Variants in NELFA observed in about 807,000 individuals in gnomAD.
NELFA encodes the protein negative elongation factor complex member A.
In NELFA, 35 loss-of-function variants were observed where a neutral mutation model predicts 51.8. The observed-to-expected ratio is 0.68, with a 90% CI of 0.52 to 0.90. The LOEUF is 0.90. NELFA is among the 40% of genes least tolerant of loss of function. The pLI is 0.00. For synonymous variants in NELFA, 417 were observed against 338.4 expected (o/e 1.23, Z -2.55); for missense variants, 658 against 746.4 (o/e 0.88, Z 1.38).
At chr4:1,985,943 C>T in intron 6 of NELFA, 79 bp from the exon 7 acceptor site, 1 of 1,390,718 alleles carries the variant, frequency 7.2e-7, no homozygotes, top group Non-Finnish European at 9.8e-7. Flanking sequence ...GGGAATCAAA[C>T]AGCTTCCCAG....
intron 1 of NELFA, among the ~76,000 whole-genome samples, chr4:1,995,837 A>G (rs772731642): frequency 1.3e-5 from 2 of 151,956 alleles, no homozygotes; most frequent in African/African-American, 4.8e-5. Context: ...AGACAAACCC[A>G]TAATCCTAAC....
chr4:1,988,121 T>G (rs927209018), intron 3 of NELFA, 114 bp from the exon 4 acceptor site: 3 of 847,930 alleles, frequency 3.5e-6, no homozygotes, highest in Non-Finnish European at 5.5e-6. Context: ...GAACGCTGCA[T>G]TCTCTCTAAA....
At chr4:2,005,629 T>C (rs978500796) in intron 1 of NELFA, among the ~76,000 whole-genome samples, 3 of 151,656 alleles carry the variant, frequency 2.0e-5, no homozygotes, top group Non-Finnish European at 2.9e-5. Flanking sequence ...GAGGAGGAGG[T>C]TGCAGTGAGC....
At chr4:1,985,745 G>A in intron 7 of NELFA, 31 bp downstream of exon 7, 1 of 1,594,974 alleles carries the variant, frequency 6.3e-7, no homozygotes, top group South Asian at 1.1e-5. Context: ...CCGCAGTGGT[G>A]CCAGACATGG....
intron 1 of NELFA, among the ~76,000 whole-genome samples, chr4:1,992,904 C>G (rs1422935011): frequency 3.3e-5 from 5 of 152,238 alleles, no homozygotes; most frequent in Admixed American, 1.3e-4. Context: ...TGGCCCAGCC[C>G]CTTCTGTTCC....
chr4:1,989,923 C>T lies in NELFA; in HGVS notation c.383-54G>A. The T allele has an allele frequency of 6.3e-7, 1 of 1,576,692 alleles. No homozygotes were observed. Among genetic ancestry groups the T allele is most frequent in the Non-Finnish European group, 8.6e-7 (1 of 1,161,348 alleles). ...GGCGCCCAGGCCGCAGACCTCCCGG[C>T]TGAGAGGAGCTGGCGGCTGCCCAGC... On this transcript the variant is annotated intron_variant, in intron 2 of 10. Coordinates refer to ENST00000382882, the MANE Select transcript of NELFA (RefSeq NM_005663.5). This position sits in a 1 kb window ranked among gnomAD's most constrained non-coding sequence, Gnocchi z 4.8.
chr4:1,995,386 T>A (rs1020700337), intron 1 of NELFA, among the ~76,000 whole-genome samples: 2 of 152,176 alleles, frequency 1.3e-5, no homozygotes, highest in Non-Finnish European at 2.9e-5. Context: ...GTATCTATGG[T>A]CCTATGTAGA....
At chr4:2,001,368 C>T (rs1728562188) in intron 1 of NELFA, among the ~76,000 whole-genome samples, 1 of 152,174 alleles carries the variant, frequency 6.6e-6, no homozygotes, top group African/African-American at 2.4e-5. Flanking sequence ...TCTCTGTTTG[C>T]AGATGACATG....
At chr4:2,006,768 C>CAA (rs57055347) in intron 1 of NELFA, among the ~76,000 whole-genome samples, 2,193 of 79,386 alleles carry the variant, frequency 0.028, 269 homozygotes, top group Admixed American at 0.054. Flanking sequence ...GACGCTGTCT[C>CAA]AAAAAAAAAA....
chr4:1,998,826 A>G (rs964661791), intron 1 of NELFA, among the ~76,000 whole-genome samples: 4 of 152,164 alleles, frequency 2.6e-5, no homozygotes, highest in African/African-American at 9.7e-5. Context: ...GAGAAGATCA[A>G]CCCCAAGACA....
chr4:2,008,206 G>A (rs1431176610), intron 1 of NELFA, among the ~76,000 whole-genome samples: 1 of 152,192 alleles, frequency 6.6e-6, no homozygotes, highest in Non-Finnish European at 1.5e-5. Context: ...AGACCCCGCT[G>A]GGGCCGGCGC....
rs1727974341 is a variant in NELFA, at chr4:1,983,644, T to A, written c.1354A>T (p.Thr452Ser). The stretch of plus-strand genomic sequence containing the variant: ...AGGATGAGGGCCTTCTCGGGCCGCG[T>A]GACTTTGTTGGCCGTCTTGAACATC... ...QEMFKTANKVTRPEKALILGF... is the reference protein window; with the variant it reads ...QEMFKTANKVSRPEKALILGF... The change falls in exon 10 of 11, where the codon ACG becomes TCG. Residue 452 changes from threonine (T) to serine (S), a missense_variant. Physicochemically the swap from Thr to Ser is moderately conservative, Grantham distance 58. Around this residue, in one of 3 missense-constraint regions of NELFA, gnomAD observed 87 missense variants for 130.2 expected, o/e 0.67. Transcript: ENST00000382882. 1 of 1,613,980 alleles carries A rather than the reference T, an allele frequency of 6.2e-7. No homozygotes were observed.
rs573100545 is a variant in NELFA, at chr4:1,983,590, A to G, written c.1402+6T>C. On this transcript the variant is annotated splice_donor_region_variant and intron_variant, in intron 10 of 10. Coordinates refer to ENST00000382882, the MANE Select transcript of NELFA (RefSeq NM_005663.5). Reference sequence around the variant, plus strand: ...TGCACCCCCAGGCCCTGCCTTATGAACATACCTCGGGAGCCGGCCATGAAG... The same window carrying G: ...TGCACCCCCAGGCCCTGCCTTATGAGCATACCTCGGGAGCCGGCCATGAAG... The G allele has an allele frequency of 6.2e-7, 1 of 1,613,736 alleles. No homozygotes were observed. The highest frequency in any genetic ancestry group is 1.3e-5 in the African/African-American group (1 of 75,008).
rs1441401931 is a variant in NELFA at position 1,987,996 on chromosome 4, C to T, written c.556G>A (p.Ala186Thr). Residue 186 changes from alanine to threonine, a missense_variant, in exon 4 of 11, where the codon GCC (alanine) becomes ACC (threonine). By Grantham distance (58) the Ala-to-Thr change is moderately conservative. Coordinates refer to ENST00000382882, the MANE Select transcript of NELFA (RefSeq NM_005663.5). ...AELLQKSTET[A>T]QQLKRSAGVP... ...CCGGCGCTCCGCTTCAACTGCTGGGCGGTCTCCGTGGCTGGAAGGAAGAGG... is the reference window on the plus strand; with the variant it reads ...CCGGCGCTCCGCTTCAACTGCTGGGTGGTCTCCGTGGCTGGAAGGAAGAGG... The T allele has an allele frequency of 3.1e-6, 5 of 1,610,508 alleles. No individual in the cohort carries two copies. Among genetic ancestry groups the T allele is most frequent in the East Asian group, 2.2e-5 (1 of 44,856 alleles).
chr4:2,006,155 A>G (rs1728704591), intron 1 of NELFA, among the ~76,000 whole-genome samples: 1 of 152,224 alleles, frequency 6.6e-6, no homozygotes, highest in African/African-American at 2.4e-5. Flanking sequence ...TAAATGACCA[A>G]AAGAACAGAG....
In NELFA at chr4:1,983,546, C is replaced by T. The variant is rs2234577; in HGVS notation, c.1403-43G>A. 32 of 1,611,154 alleles carry T rather than the reference C, an allele frequency of 2.0e-5. 1 individual carries two copies. Among genetic ancestry groups the T allele is most frequent in the South Asian group, 7.7e-5 (7 of 90,982 alleles). On this transcript the variant is annotated intron_variant, in intron 10 of 10. Coordinates refer to ENST00000382882, the MANE Select transcript of NELFA (RefSeq NM_005663.5). Reference sequence around the variant, plus strand: ...TGCTGGGTGGGTGTCTGGGGGCACCCGCCCCCAACCCGGCCCGGTGCACCC... The same window carrying T: ...TGCTGGGTGGGTGTCTGGGGGCACCTGCCCCCAACCCGGCCCGGTGCACCC...
chr4:1,992,299 G>A (rs1728295475), intron 1 of NELFA: 1 of 243,042 alleles, frequency 4.1e-6, no homozygotes, highest in Non-Finnish European at 8.3e-6. Context: ...TGGCGCTCGT[G>A]GAGCCTGGAG....
chr4:1,995,304 T>C (rs1170023458), intron 1 of NELFA, among the ~76,000 whole-genome samples: 1 of 152,220 alleles, frequency 6.6e-6, no homozygotes, highest in Non-Finnish European at 1.5e-5. Context: ...TATACCCTCT[T>C]GGTTCTGTTT....
intron 6 of NELFA, 111 bp from the exon 7 acceptor site, chr4:1,985,975 G>T (rs768918729): frequency 2.0e-4 from 273 of 1,339,908 alleles, no homozygotes; most frequent in Non-Finnish European, 2.7e-4. Flanking sequence ...AAGGAGCGAG[G>T]AGAAAAGCAG....
Sources: gnomAD v4.1 joint callset for allele counts (sites outside exome capture counted in the v4.1 genomes callset) on GRCh38, gnomAD v4.1.1 for gene constraint, gnomAD v4.1.1 regional missense constraint, Gnocchi (gnomAD v3.1) non-coding constraint, MANE v1.5 for transcripts, NCBI Gene and HGNC (gene_info 2026-07-23, HGNC 2026-07-21) for gene names.